Variants in MACF1 observed in about 807,000 individuals in gnomAD.
MACF1 encodes microtubule actin crosslinking factor 1.
A neutral mutation model predicts 854.8 loss-of-function variants in MACF1; 193 were observed. The observed-to-expected ratio is 0.23, with a 90% confidence interval of 0.20 to 0.25. The LOEUF is 0.25. Ranked by LOEUF, MACF1 falls within the 10% of genes least tolerant of loss-of-function variation. MACF1 has a pLI of 1.00. For synonymous variants in MACF1, 3,185 were observed against 3,226.7 expected, an observed-to-expected ratio of 0.99 and a Z score of 0.44; for missense variants, 7,722 against 8,929.1, an observed-to-expected ratio of 0.86 and a Z score of 5.45.
In MACF1 at chr1:39,395,257, C is replaced by G. The variant is rs12093383; in HGVS notation, c.15816+6599C>G. Among the ~76,000 whole-genome samples the G allele has an allele frequency of 4.9e-3, 739 of 152,188 alleles. 5 individuals carry two copies. Among genetic ancestry groups the G allele is most frequent in the African/African-American group, 0.017 (713 of 41,508 alleles). On this transcript the variant is annotated intron_variant, in intron 58 of 100. Coordinates refer to ENST00000564288, the MANE Select transcript of MACF1 (RefSeq NM_001394062.1). ...ATGTCTCCCTGGAAGGCAGAATTAC[C>G]CTCTGTTGAGAACTATAGCCCTGGA...
intron 49 of MACF1, among the ~76,000 whole-genome samples, chr1:39,363,928 G>T (rs1648442801): frequency 6.6e-6 from 1 of 152,030 alleles, no homozygotes; most frequent in Non-Finnish European, 1.5e-5. Flanking sequence ...ACTCATACGT[G>T]GTGGAAATTT....
intron 58 of MACF1, among the ~76,000 whole-genome samples, chr1:39,421,068 T>C (rs1211529513): frequency 1.3e-5 from 2 of 152,106 alleles, no homozygotes; most frequent in Non-Finnish European, 2.9e-5. Context: ...GGTTTCACCA[T>C]GTTAGTCAGG....
At chr1:39,262,397 CAAAAAA>C (rs56376033) in intron 6 of MACF1, among the ~76,000 whole-genome samples, 3 of 68,804 alleles carry the variant, frequency 4.4e-5, no homozygotes, top group African/African-American at 1.8e-4. Flanking sequence ...GACTCCATCA[CAAAAAA>C]AAAAAAAAAA....
intron 78 of MACF1, among the ~76,000 whole-genome samples, 167 bp from the exon 79 acceptor site, chr1:39,443,279 A>C (rs1321768618): frequency 6.6e-6 from 1 of 152,234 alleles, no homozygotes; most frequent in Non-Finnish European, 1.5e-5. Flanking sequence ...ATTCTGCTAG[A>C]TTCTAGCAAT....
rs1478751431 is a variant in MACF1, at chr1:39,460,160, A to T, written c.21361-472A>T. Among the ~76,000 whole-genome samples, 1 of 152,178 alleles carries T rather than the reference A, an allele frequency of 6.6e-6. No individual in the cohort carries two copies. The highest frequency in any genetic ancestry group is 2.4e-5 in the African/African-American group (1 of 41,448). Reference sequence around the variant, plus strand: ...TGGGTTCCCAATGCTTCCATCCAGAACTCAGATTTTCTCATTGAAATCTCA... The same window carrying T: ...TGGGTTCCCAATGCTTCCATCCAGATCTCAGATTTTCTCATTGAAATCTCA... On this transcript the variant is annotated intron_variant, in intron 91 of 100. Transcript: ENST00000564288. The surrounding 1 kb of genome is among the most constrained non-coding windows in gnomAD (Gnocchi z 4.1).
chr1:39,416,505 A>C (rs664111), intron 58 of MACF1, among the ~76,000 whole-genome samples: 1 of 152,158 alleles, frequency 6.6e-6, no homozygotes, highest in African/African-American at 2.4e-5. Context: ...AAAAAAAAAA[A>C]ACAGAATATC....
Position 39,442,051 on chromosome 1 carries a change from A to G in MACF1, c.18772A>G (p.Lys6258Glu). The G allele has an allele frequency of 1.2e-6, 2 of 1,611,220 alleles. No individual in the cohort carries two copies. The highest frequency in any genetic ancestry group is 1.7e-6 in the Non-Finnish European group (2 of 1,179,196). ...TGTTAAAGATCAGTTAAATGAAATGAAGGTTTGTATCTGGGTATGGCTTTT... is the reference window on the plus strand; with the variant it reads ...TGTTAAAGATCAGTTAAATGAAATGGAGGTTTGTATCTGGGTATGGCTTTT... ...NTVKDQLNEM[K>E]EFKVEVYQQQ... The change falls in exon 75 of 101, where the codon AAG becomes GAG. Residue 6258 changes from lysine to glutamate, a missense_variant and splice_region_variant. Physicochemically the swap from Lys to Glu is moderately conservative, Grantham distance 56. Coordinates refer to ENST00000564288, the MANE Select transcript of MACF1 (RefSeq NM_001394062.1).
At chr1:39,235,522 C>T (rs1270050613) in intron 2 of MACF1, among the ~76,000 whole-genome samples, 1 of 152,218 alleles carries the variant, frequency 6.6e-6, no homozygotes. Flanking sequence ...TGATTCAGTA[C>T]TGCCTATAAT....
chr1:39,327,255 T>A lies in MACF1; in HGVS notation c.4516T>A (p.Leu1506Met). 1 of 1,596,920 alleles carries A rather than the reference T, an allele frequency of 6.3e-7. No individual in the cohort carries two copies. Among genetic ancestry groups the A allele is most frequent in the Non-Finnish European group, 8.6e-7 (1 of 1,166,544 alleles). ...EKEKKQISEQ[L>M]NALNKAYHDL... Reference sequence around the variant, plus strand: ...AGAGAAGAAACAAATATCTGAGCAATTGAATGCCCTAAACAAGGCTTACCA... The same window carrying A: ...AGAGAAGAAACAAATATCTGAGCAAATGAATGCCCTAAACAAGGCTTACCA... The change falls in exon 36 of 101, where the codon TTG becomes ATG. Residue 1506 changes from leucine (L) to methionine (M), a missense_variant. By Grantham distance (15) the Leu-to-Met change is conservative (BLOSUM62 2). Transcript: ENST00000564288.
Position 39,336,659 on chromosome 1 carries a change from T to G in MACF1, c.10065+6T>G. On this transcript the variant is annotated splice_donor_region_variant and intron_variant, in intron 37 of 100. Coordinates refer to ENST00000564288, the MANE Select transcript of MACF1 (RefSeq NM_001394062.1). Reference sequence around the variant, plus strand: ...AGCCCTTCAGAGCAACTCAGGTCAGTGGTGTGCTTTTTTTTTTTTCTTCCT... The same window carrying G: ...AGCCCTTCAGAGCAACTCAGGTCAGGGGTGTGCTTTTTTTTTTTTCTTCCT... The G allele has an allele frequency of 1.9e-6, 3 of 1,561,296 alleles. No homozygotes were observed. The highest frequency in any genetic ancestry group is 2.6e-6 in the Non-Finnish European group (3 of 1,162,742).
chr1:39,183,480 C>T (rs1243761055), intron 2 of MACF1, among the ~76,000 whole-genome samples: 1 of 152,120 alleles, frequency 6.6e-6, no homozygotes, highest in Non-Finnish European at 1.5e-5. Context: ...GAATATTTTG[C>T]TTCAGAACTG....
intron 6 of MACF1, among the ~76,000 whole-genome samples, chr1:39,262,462 A>G (rs1645175161): frequency 6.6e-6 from 1 of 150,696 alleles, no homozygotes. Context: ...GATACAGACC[A>G]TCTAGTTGGA....
chr1:39,137,517 C>T (rs950142823), intron 2 of MACF1, among the ~76,000 whole-genome samples: 1 of 152,162 alleles, frequency 6.6e-6, no homozygotes, highest in African/African-American at 2.4e-5. Flanking sequence ...AGGCATGTGC[C>T]ATTACACCTG....
intron 2 of MACF1, among the ~76,000 whole-genome samples, chr1:39,097,984 T>TA (rs369344423): frequency 1.4e-3 from 209 of 151,988 alleles, no homozygotes; most frequent in African/African-American, 4.8e-3. Context: ...TTTCATAGAT[T>TA]AAAAAAAGCC....
rs763655384 is a variant in MACF1 at position 39,454,874 on chromosome 1, C to T, written c.20887-35C>T. 5.1e-6 allele frequency: 8 copies of T among 1,578,486 alleles called. No individual in the cohort carries two copies. In the Admixed American group the frequency reaches 1.5e-4, roughly 29 times the overall value. On this transcript the variant is annotated intron_variant, in intron 88 of 100. Coordinates refer to ENST00000564288, the MANE Select transcript of MACF1 (RefSeq NM_001394062.1). Reference sequence around the variant, plus strand: ...TTGGAAACAAAGGGGGTATGCTTGACTGAAAGAGGCCATGGTTTCCTTCTT... The same window carrying T: ...TTGGAAACAAAGGGGGTATGCTTGATTGAAAGAGGCCATGGTTTCCTTCTT...
rs535522521 is a variant in MACF1, at chr1:39,331,488, G to A, written c.4900G>A (p.Val1634Met). 6.2e-7 allele frequency: 1 copy of A among 1,614,180 alleles called. No individual in the cohort carries two copies. Among genetic ancestry groups the A allele is most frequent in the Non-Finnish European group, 8.5e-7 (1 of 1,180,028 alleles). ...RLTESRGPLS[V>M]VEAIEKRIIS... is the part of the protein sequence containing the mutation. ...TACTGAGAGCAGAGGCCCTCTTTCT[G>A]TGGTGGAAGCAATTGAAAAGAGAAT... The change falls in exon 37 of 101, where the codon GTG (valine) becomes ATG (methionine). Residue 1634 changes from valine to methionine, a missense_variant. Val to Met is a conservative substitution (Grantham distance 21, BLOSUM62 1). Coordinates refer to ENST00000564288, the MANE Select transcript of MACF1 (RefSeq NM_001394062.1).
intron 38 of MACF1, among the ~76,000 whole-genome samples, chr1:39,338,067 C>T (rs1015192365): frequency 6.6e-6 from 1 of 152,158 alleles, no homozygotes; most frequent in Non-Finnish European, 1.5e-5. Flanking sequence ...CCACGCCCGG[C>T]CCTACCAATT....
chr1:39,362,186 T>C (rs1038189844), intron 49 of MACF1, among the ~76,000 whole-genome samples: 2 of 152,220 alleles, frequency 1.3e-5, no homozygotes, highest in Admixed American at 6.5e-5. Context: ...CAAGTCATAG[T>C]ATATGCATAT....
At chr1:39,181,895 A>G (rs1337454222) in intron 2 of MACF1, among the ~76,000 whole-genome samples, 1 of 152,214 alleles carries the variant, frequency 6.6e-6, no homozygotes, top group African/African-American at 2.4e-5. Context: ...GCTCACGCCC[A>G]TAATCCCAGC....
Sources: gnomAD v4.1 joint callset for allele counts (sites outside exome capture counted in the v4.1 genomes callset) on GRCh38, gnomAD v4.1.1 for gene constraint, Gnocchi (gnomAD v3.1) non-coding constraint, MANE v1.5 for transcripts, NCBI Gene and HGNC (gene_info 2026-07-23, HGNC 2026-07-21) for gene names.